The following RIPK3 variants were observed in gnomAD, a reference collection of about 807,000 sequenced individuals.
RIPK3 encodes receptor interacting serine/threonine kinase 3.
RIPK3 carries 51 observed loss-of-function variants against 51.6 expected under a neutral mutation model. That is an observed-to-expected ratio of 0.99 (90% CI 0.79 to 1.25). The LOEUF is 1.25. Ranked by LOEUF, RIPK3 falls within the 50% of genes most tolerant of loss-of-function variation. The pLI, the probability that RIPK3 is intolerant of heterozygous loss-of-function variation, is 0.00. For missense variants in RIPK3, 654 were observed against 650.4 expected (o/e 1.01, Z -0.06); for synonymous variants, 246 against 257.7 (o/e 0.95, Z 0.44).
At position 24,338,856 on chromosome 14, in the gene RIPK3, A is replaced by C. The variant is rs965069718; in HGVS notation, c.471+159T>G. On this transcript the variant is annotated intron_variant, in intron 3 of 9. Transcript: ENST00000216274. Reference sequence around the variant, plus strand: ...CTATCACCTGGTAGGCAGGAGCTAAAACTCCTGGCTGGGCTTTGTCCCCTG... The same window carrying C: ...CTATCACCTGGTAGGCAGGAGCTAACACTCCTGGCTGGGCTTTGTCCCCTG... 1.3e-5 allele frequency: 9 copies of C among 697,912 alleles called. No individual in the cohort carries two copies. In the African/African-American group the frequency reaches 1.6e-4, roughly 13 times the overall value. 43.2% of individuals were successfully genotyped at this position (697,912 alleles called of 1,614,324 possible).
chr14:24,339,708 C>G lies in RIPK3; in HGVS notation c.20+99G>C. On this transcript the variant is annotated intron_variant, in intron 1 of 9. Coordinates refer to ENST00000216274, the MANE Select transcript of RIPK3 (RefSeq NM_006871.4). This position sits in a 1 kb window ranked among gnomAD's most constrained non-coding sequence, Gnocchi z 4.0. ...AATCCCCAGCCTCCCTCGCCGGCCC[C>G]CACCGTCCCCGGACTCAAAGACGTT... 6.3e-7 allele frequency: 1 copy of G among 1,578,974 alleles called. No individual in the cohort carries two copies. The highest frequency in any genetic ancestry group is 1.2e-5 in the South Asian group (1 of 86,240).
rs1430891955 is a variant in RIPK3, at chr14:24,337,689, A to G, written c.900+6T>C. ...GCTCCTGGGGAGGGGTGATGTTGGC[A>G]CTCACCGTGGAGACAGCAGCATTCA... is the stretch of plus-strand genomic sequence containing the variant. On this transcript the variant is annotated splice_donor_region_variant and intron_variant, in intron 7 of 9. Transcript: ENST00000216274. 1 of 1,605,080 alleles carries G rather than the reference A, an allele frequency of 6.2e-7. No individual in the cohort carries two copies. The highest frequency in any genetic ancestry group is 1.1e-5 in the South Asian group (1 of 90,824).
At position 24,338,417 on chromosome 14, in the gene RIPK3, C is replaced by T. The variant is rs1311449125; in HGVS notation, c.617+5G>A. On this transcript the variant is annotated splice_donor_5th_base_variant and intron_variant, in intron 4 of 9. Coordinates refer to ENST00000216274, the MANE Select transcript of RIPK3 (RefSeq NM_006871.4). Reference sequence around the variant, plus strand: ...CTGGCTGTGTGTTTGGGCCGGGATCCTTACCTGTAGACGTCACTGGCTGTG... The same window carrying T: ...CTGGCTGTGTGTTTGGGCCGGGATCTTTACCTGTAGACGTCACTGGCTGTG... The T allele has an allele frequency of 2.5e-6, 4 of 1,608,918 alleles. No homozygotes were observed. The East Asian group carries it at 8.9e-5, about 36-fold the overall frequency.
chr14:24,338,954 G>C (rs1033032424), intron 3 of RIPK3, 61 bp downstream of exon 3: 1 of 1,363,378 alleles, frequency 7.3e-7, no homozygotes, highest in Admixed American at 1.7e-5. Context: ...TGTCCGGCGG[G>C]CCTGGCTGGA....
In RIPK3 at chr14:24,336,162, C is replaced by G. The variant is rs1165800165; in HGVS notation, c.*13G>C. The G allele has an allele frequency of 6.2e-7, 1 of 1,608,122 alleles. No individual in the cohort carries two copies. Among genetic ancestry groups the G allele is most frequent in the Admixed American group, 1.7e-5 (1 of 59,694 alleles). Reference sequence around the variant, plus strand: ...TTAACTCGTAACTCTTGGAGGCAAGCTTGGAAGGTGCTTTATTTCCCGCTA... The same window carrying G: ...TTAACTCGTAACTCTTGGAGGCAAGGTTGGAAGGTGCTTTATTTCCCGCTA... On this transcript the variant is annotated 3_prime_UTR_variant, in exon 10 of 10. Transcript: ENST00000216274.
At position 24,336,691 on chromosome 14, in the gene RIPK3, C is replaced by G; in HGVS notation, c.1336+194G>C. The G allele has an allele frequency of 4.3e-6, 3 of 692,850 alleles. No individual in the cohort carries two copies. In the South Asian group the frequency reaches 5.3e-5, roughly 12 times the overall value. 42.9% of individuals were successfully genotyped at this position (692,850 alleles called of 1,614,324 possible). On this transcript the variant is annotated intron_variant, in intron 9 of 9. Coordinates refer to ENST00000216274, the MANE Select transcript of RIPK3 (RefSeq NM_006871.4). Reference sequence around the variant, plus strand: ...AAGTTAGAAGATTCAGGGACAAATCCAAGCTTTGTTGTGTGACCTCAGAGG... The same window carrying G: ...AAGTTAGAAGATTCAGGGACAAATCGAAGCTTTGTTGTGTGACCTCAGAGG...
chr14:24,338,520 C>A lies in RIPK3; in HGVS notation c.519G>T (p.Gly173=). 1.2e-6 allele frequency: 2 copies of A among 1,612,496 alleles called. No homozygotes were observed. Among genetic ancestry groups the A allele is most frequent in the Non-Finnish European group, 1.7e-6 (2 of 1,178,668 alleles). ...LSTFQGGSQS[G]TGSGEPGGTL... ...TGCCCCCTGGCTCCCCGGACCCTGTCCCTGACTGTGAGCCTCCCTGAAATG... is the reference window on the plus strand; with the variant it reads ...TGCCCCCTGGCTCCCCGGACCCTGTACCTGACTGTGAGCCTCCCTGAAATG... Residue 173 remains glycine (G), a synonymous_variant, in exon 4 of 10, where the codon GGG becomes GGT. Coordinates refer to ENST00000216274, the MANE Select transcript of RIPK3 (RefSeq NM_006871.4).
chr14:24,338,937 G>T, intron 3 of RIPK3, 78 bp downstream of exon 3: 1 of 1,146,300 alleles, frequency 8.7e-7, no homozygotes, highest in Non-Finnish European at 1.3e-6. Context: ...GGGCTCTGGA[G>T]GTCTAGTGTC....
chr14:24,338,267 C>T lies in RIPK3; in HGVS notation c.646G>A (p.Ala216Thr). 1 of 1,523,970 alleles carries T rather than the reference C, an allele frequency of 6.6e-7. No individual in the cohort carries two copies. 94.4% of individuals were successfully genotyped at this position (1,523,970 alleles called of 1,614,324 possible). ...GTCTTACACTCAACTTCTCTTCCAG[C>T]AAGCACTGCCCACATTAGGATCCCG... ...SFGILMWAVL[A>T]GREVELPTEP... is the part of the protein sequence containing the mutation. Residue 216 changes from alanine to threonine, a missense_variant, in exon 5 of 10, where the codon GCT (alanine) becomes ACT (threonine). Transcript: ENST00000216274.
At position 24,337,154 on chromosome 14, in the gene RIPK3, T is replaced by G. The variant is rs138908360; in HGVS notation, c.1207A>C (p.Thr403Pro). The G allele has an allele frequency of 3.1e-5, 50 of 1,611,806 alleles. No homozygotes were observed. In the East Asian group the frequency reaches 1.0e-3, roughly 34 times the overall value. ...GGGCTGGGCATCTGGTTTCTGAAAG[T>G]TGAGGTCTCTGGAGTCTGGGGAGGT... is the stretch of plus-strand genomic sequence containing the variant. ...AQPPQTPETS[T>P]FRNQMPSPTS... The change falls in exon 8 of 10, where the codon ACT (threonine) becomes CCT (proline). Residue 403 changes from threonine (T) to proline (P), a missense_variant. Thr to Pro is a conservative substitution (Grantham distance 38, BLOSUM62 -1). Transcript: ENST00000216274.
chr14:24,337,242 C>A lies in RIPK3; in HGVS notation c.1119G>T (p.Arg373Ser). 1.2e-6 allele frequency: 2 copies of A among 1,614,008 alleles called. No individual in the cohort carries two copies. The highest frequency in any genetic ancestry group is 1.7e-6 in the Non-Finnish European group (2 of 1,180,034). Residue 373 changes from arginine (R) to serine (S), a missense_variant, in exon 8 of 10, where the codon AGG becomes AGT. By Grantham distance (110) the Arg-to-Ser change is moderately radical. Transcript: ENST00000216274. ...KKCPSLTKRS[R>S]AQEEQVPQAW... is the part of the protein sequence containing the mutation. Reference sequence around the variant, plus strand: ...CTTGTGGAACCTGCTCCTCTTGTGCCCTGCTCCTCTTGGTAAGGCTCGGGC... The same window carrying A: ...CTTGTGGAACCTGCTCCTCTTGTGCACTGCTCCTCTTGGTAAGGCTCGGGC...
At chr14:24,338,177 A>C in intron 5 of RIPK3, 72 bp downstream of exon 5, 1 of 1,548,292 alleles carries the variant, frequency 6.5e-7, no homozygotes, top group South Asian at 1.2e-5. Context: ...GTGAGCGGGA[A>C]GGGGAAGCCT....
Position 24,336,123 on chromosome 14 carries a change from G to C in RIPK3, c.*52C>G. On this transcript the variant is annotated 3_prime_UTR_variant, in exon 10 of 10. Transcript: ENST00000216274. ...TAGAAGGAAGTCAGGGGCCTCAAGG[G>C]GTGGCACTCTTCCTTAACTCGTAAC... is the stretch of plus-strand genomic sequence containing the variant. 1 of 1,574,308 alleles carries C rather than the reference G, an allele frequency of 6.4e-7. No individual in the cohort carries two copies. Among genetic ancestry groups the C allele is most frequent in the Non-Finnish European group, 8.6e-7 (1 of 1,156,752 alleles).
Position 24,339,161 on chromosome 14 carries a change from G to A in RIPK3, c.325C>T (p.Gln109Ter). 1 of 1,614,258 alleles carries A rather than the reference G, an allele frequency of 6.2e-7. No homozygotes were observed. Among genetic ancestry groups the A allele is most frequent in the South Asian group, 1.1e-5 (1 of 91,090 alleles). Residue 109 changes from glutamine to a stop codon, truncating the protein, a stop_gained, in exon 3 of 10, where the codon CAG becomes TAG. Transcript: ENST00000216274. LOFTEE classifies it high-confidence loss of function. This position sits in a 1 kb window ranked among gnomAD's most constrained non-coding sequence, Gnocchi z 4.0. ...NGSLSGLLQS[Q>*]CPRPWPLLCR... ...AGGAGCGGCCAGGGCCGAGGGCACT[G>A]GGACTGCAGCAGCCCCGACAAGGAG...
chr14:24,336,656 G>A (rs1472795911), intron 9 of RIPK3: 4 of 668,314 alleles, frequency 6.0e-6, no homozygotes, highest in East Asian at 2.7e-5. Context: ...CACAGAGCTG[G>A]TGTTGTGGAA....
chr14:24,336,481 C>T, intron 9 of RIPK3, 86 bp from the exon 10 acceptor site: 4 of 1,541,650 alleles, frequency 2.6e-6, no homozygotes, highest in Non-Finnish European at 3.5e-6. Flanking sequence ...GAAGTCTCTA[C>T]TTGTCAGTGG....
rs2042171313 is a variant in RIPK3, at chr14:24,339,682, C to A, written c.21-85G>T. The A allele has an allele frequency of 6.9e-6, 11 of 1,596,364 alleles. No homozygotes were observed. Among genetic ancestry groups the A allele is most frequent in the Non-Finnish European group, 8.6e-6 (10 of 1,168,682 alleles). ...CCCCTGTGACTCGGCGTTCTCACTG[C>A]AATCCCCAGCCTCCCTCGCCGGCCC... On this transcript the variant is annotated intron_variant, in intron 1 of 9. Coordinates refer to ENST00000216274, the MANE Select transcript of RIPK3 (RefSeq NM_006871.4). This position sits in a 1 kb window ranked among gnomAD's most constrained non-coding sequence, Gnocchi z 4.0.
chr14:24,338,517 T>C lies in RIPK3; in HGVS notation c.522A>G (p.Thr174=), dbSNP rs778260214. 3 of 1,612,350 alleles carry C rather than the reference T, an allele frequency of 1.9e-6. No homozygotes were observed. Among genetic ancestry groups the C allele is most frequent in the Non-Finnish European group, 2.5e-6 (3 of 1,178,558 alleles). The change falls in exon 4 of 10, where the codon ACA becomes ACG. Residue 174 remains threonine (T), a synonymous_variant. Transcript: ENST00000216274. ...STFQGGSQSG[T]GSGEPGGTLG... is the part of the protein sequence containing the mutation. ...GGGTGCCCCCTGGCTCCCCGGACCC[T>C]GTCCCTGACTGTGAGCCTCCCTGAA...
chr14:24,339,897 G>T lies in RIPK3; in HGVS notation c.-71C>A. 6.7e-7 allele frequency: 1 copy of T among 1,494,408 alleles called. No homozygotes were observed. The highest frequency in any genetic ancestry group is 9.0e-7 in the Non-Finnish European group (1 of 1,111,436). The allele number at this position is 1,494,408 out of a possible 1,614,324, so 92.6% of individuals were successfully genotyped here. A position where few individuals can be genotyped will look rare whatever the true frequency, so the allele number is the denominator to read the frequency against. ...GAGATGGAGTGACTTCTGGGGCTTG[G>T]TCCTTTCGCAGAGAGGGGAAGGGGT... On this transcript the variant is annotated 5_prime_UTR_variant, in exon 1 of 10. Transcript: ENST00000216274. This position sits in a 1 kb window ranked among gnomAD's most constrained non-coding sequence, Gnocchi z 4.0.
Sources: allele counts gnomAD v4.1 joint callset, GRCh38; gene constraint gnomAD v4.1.1; non-coding constraint Gnocchi (gnomAD v3.1); transcripts MANE v1.5; gene names NCBI Gene and HGNC (gene_info 2026-07-23, HGNC 2026-07-21).